ITGB4: variants seen among roughly 807,000 people sequenced by gnomAD.
ITGB4 encodes integrin beta-4.
A neutral mutation model predicts 207.6 loss-of-function variants in ITGB4; 159 were observed. The observed-to-expected ratio is 0.77, with a 90% CI of 0.67 to 0.87. ITGB4 has a LOEUF of 0.87. Ranked by LOEUF, ITGB4 falls within the 40% of genes least tolerant of loss-of-function variation. The pLI, the probability that ITGB4 is intolerant of heterozygous loss-of-function variation, is 0.00. For missense variants in ITGB4, 2,278 were observed against 2,546.8 expected, an observed-to-expected ratio of 0.89 and a Z score of 2.27; for synonymous variants, 1,020 against 1,062.7, an observed-to-expected ratio of 0.96 and a Z score of 0.78.
At chr17:75,724,857 C>A (rs1416214658) in intron 2 of ITGB4, 75 bp downstream of exon 2, 1 of 1,199,640 alleles carries the variant, frequency 8.3e-7, no homozygotes, top group Non-Finnish European at 1.2e-6. Context: ...GCACGGGGAT[C>A]TCACGGTGTC....
chr17:75,744,816 A>T (rs77243351), intron 26 of ITGB4, among the ~76,000 whole-genome samples: 7,042 of 151,830 alleles, frequency 0.046, 586 homozygotes, highest in East Asian at 0.31. Flanking sequence ...TTTGGGGGAG[A>T]CAGGGTCTTG....
At position 75,748,953 on chromosome 17, in the gene ITGB4, A is replaced by C. The variant is rs971825531; in HGVS notation, c.3224A>C (p.Gln1075Pro). 3 of 1,613,298 alleles carry C rather than the reference A, an allele frequency of 1.9e-6. No homozygotes were observed. Among genetic ancestry groups the C allele is most frequent in the African/African-American group, 2.7e-5 (2 of 74,940 alleles). Residue 1075 changes from glutamine (Q) to proline (P), a missense_variant, in exon 27 of 40, where the codon CAG becomes CCG. Transcript: ENST00000200181. ...GTTGACTCCCTCCTGCGGGGCCGCCAGGTCCGCCGTTTCCACGTCCAGCTC... is the reference window on the plus strand; with the variant it reads ...GTTGACTCCCTCCTGCGGGGCCGCCCGGTCCGCCGTTTCCACGTCCAGCTC... ...QEVDSLLRGR[Q>P]VRRFHVQLSN...
chr17:75,754,808 C>T lies in ITGB4; in HGVS notation c.4551C>T (p.Ser1517=), dbSNP rs1343916826. 2.5e-6 allele frequency: 4 copies of T among 1,614,092 alleles called. No homozygotes were observed. In the South Asian group the frequency reaches 4.4e-5, roughly 18 times the overall value. Residue 1517 remains serine, a synonymous_variant, in exon 34 of 40, where the codon TCC becomes TCT. Coordinates refer to ENST00000200181, the MANE Select transcript of ITGB4 (RefSeq NM_000213.5). Reference sequence around the variant, plus strand: ...ACTACTCCACCCTCACCTCCGTCTCCTCCCACGGTGAGTGACCTCAGCCAA... The same window carrying T: ...ACTACTCCACCCTCACCTCCGTCTCTTCCCACGGTGAGTGACCTCAGCCAA... ...PRDYSTLTSV[S]SHDSRLTAGV...
chr17:75,737,556 T>G lies in ITGB4; in HGVS notation c.2132T>G (p.Phe711Cys), dbSNP rs769440967. 1 of 1,588,788 alleles carries G rather than the reference T, an allele frequency of 6.3e-7. No individual in the cohort carries two copies. Among genetic ancestry groups the G allele is most frequent in the Non-Finnish European group, 8.6e-7 (1 of 1,167,984 alleles). Reference protein sequence around the residue: ...HKKKDCPPGSFWWLIPLLLLL... With the variant: ...HKKKDCPPGSCWWLIPLLLLL... ...TCTCCAGACTGCCCTCCGGGCTCCT[T>G]CTGGTGGCTCATCCCCCTGCTCCTC... is the stretch of plus-strand genomic sequence containing the variant. The change falls in exon 18 of 40, where the codon TTC (phenylalanine) becomes TGC (cysteine). Residue 711 changes from phenylalanine (F) to cysteine (C), a missense_variant. Transcript: ENST00000200181.
intron 26 of ITGB4, among the ~76,000 whole-genome samples, chr17:75,747,246 A>C (rs1237174590): frequency 6.6e-6 from 1 of 152,208 alleles, no homozygotes; most frequent in Non-Finnish European, 1.5e-5. Flanking sequence ...TGGGAGGCTG[A>C]GGCAGGTGGA....
chr17:75,753,901 G>GC lies in ITGB4; in HGVS notation c.4250dup (p.Asp1418GlyfsTer154). On this transcript the variant is annotated frameshift_variant, in exon 33 of 40. Coordinates refer to ENST00000200181, the MANE Select transcript of ITGB4 (RefSeq NM_000213.5). LOFTEE classifies it high-confidence loss of function. ...CCTCCGACGCCGAGGCGCCCCACGGGCCCCCGGACGACGGCGGCGCGGGCG... is the reference window on the plus strand; with the variant it reads ...CCTCCGACGCCGAGGCGCCCCACGGGCCCCCCGGACGACGGCGGCGCGGGCG... The GC allele has an allele frequency of 1.5e-6, 2 of 1,294,590 alleles. No individual in the cohort carries two copies. The highest frequency in any genetic ancestry group is 2.5e-5 in the South Asian group (1 of 39,254). 80.2% of individuals were successfully genotyped at this position (1,294,590 alleles called of 1,614,324 possible).
chr17:75,731,452 C>A lies in ITGB4; in HGVS notation c.1215+84C>A, dbSNP rs947759639. ...AATCGTTTAAAACAGCGGTCAAGAG[C>A]GTGGCCCCTGGAGTCAGGCAGGCCT... On this transcript the variant is annotated intron_variant, in intron 10 of 39. Coordinates refer to ENST00000200181, the MANE Select transcript of ITGB4 (RefSeq NM_000213.5). The surrounding 1 kb of genome is among the most constrained non-coding windows in gnomAD (Gnocchi z 6.8). 2.1e-6 allele frequency: 3 copies of A among 1,412,036 alleles called. No homozygotes were observed. The highest frequency in any genetic ancestry group is 1.4e-5 in the African/African-American group (1 of 71,224). 87.5% of individuals were successfully genotyped at this position (1,412,036 alleles called of 1,614,324 possible). A position where few individuals can be genotyped will look rare whatever the true frequency, so the allele number is the denominator to read the frequency against.
chr17:75,740,659 G>C lies in ITGB4; in HGVS notation c.2551-134G>C, dbSNP rs2290457. On this transcript the variant is annotated intron_variant, in intron 21 of 39. Transcript: ENST00000200181. The surrounding 1 kb of genome is among the most constrained non-coding windows in gnomAD (Gnocchi z 5.9). ...GGCCAGAGCCTGGGCCCAGGATGCT[G>C]CCCCACGGGGCATGCCCCAGCCAAC... 66,102 of 1,098,820 alleles carry C rather than the reference G, an allele frequency of 0.06. 6,646 individuals are homozygous for C. The highest frequency in any genetic ancestry group is 0.38 in the East Asian group (15,417 of 40,956). The allele number at this position is 1,098,820 out of a possible 1,614,324, so 68.1% of individuals were successfully genotyped here. A position where few individuals can be genotyped will look rare whatever the true frequency, so the allele number is the denominator to read the frequency against.
chr17:75,751,461 G>T (rs1219974945), intron 30 of ITGB4: 2 of 357,730 alleles, frequency 5.6e-6, no homozygotes, highest in South Asian at 2.7e-5. Flanking sequence ...CAGAAATACA[G>T]GAGGTTCTGA....
rs1338907506 is a variant in ITGB4, at chr17:75,722,297, C to G, written c.-11+685C>G. Among the ~76,000 whole-genome samples the G allele has an allele frequency of 6.6e-6, 1 of 152,206 alleles. No homozygotes were observed. Among genetic ancestry groups the G allele is most frequent in the South Asian group, 2.1e-4 (1 of 4,834 alleles). On this transcript the variant is annotated intron_variant, in intron 1 of 39. Transcript: ENST00000200181. This position sits in a 1 kb window ranked among gnomAD's most constrained non-coding sequence, Gnocchi z 6.2. The stretch of plus-strand genomic sequence containing the variant: ...ATCCGCCCTCTTTCCCATGGCTCAG[C>G]CTCTGGGGTGGCCCTCTGGCTGGGA...
intron 26 of ITGB4, among the ~76,000 whole-genome samples, chr17:75,744,807 T>C (rs2061197594): frequency 6.6e-6 from 1 of 152,010 alleles, no homozygotes; most frequent in Non-Finnish European, 1.5e-5. Context: ...TTCTTAATTT[T>C]TGGGGGAGAC....
chr17:75,736,182 T>C (rs2060970816), intron 14 of ITGB4, 28 bp downstream of exon 14: 2 of 1,610,674 alleles, frequency 1.2e-6, no homozygotes, highest in Non-Finnish European at 1.7e-6. Flanking sequence ...ACAGACAGTG[T>C]CTGTCAGCAC....
chr17:75,731,130 T>C lies in ITGB4; in HGVS notation c.1093-116T>C, dbSNP rs2060846820. The C allele has an allele frequency of 6.4e-7, 1 of 1,564,990 alleles. No homozygotes were observed. The highest frequency in any genetic ancestry group is 2.3e-5 in the East Asian group (1 of 44,244). On this transcript the variant is annotated intron_variant, in intron 9 of 39. Coordinates refer to ENST00000200181, the MANE Select transcript of ITGB4 (RefSeq NM_000213.5). The surrounding 1 kb of genome is among the most constrained non-coding windows in gnomAD (Gnocchi z 6.8). ...GAGGCCCCGAGGGGCCACCTGGGCC[T>C]GGCCCTGGCTCCTGCAGGCTCTGTG...
intron 1 of ITGB4, among the ~76,000 whole-genome samples, chr17:75,723,221 T>C (rs1224027812): frequency 2.0e-5 from 3 of 152,140 alleles, no homozygotes; most frequent in Non-Finnish European, 4.4e-5. Context: ...GTCTCTCATC[T>C]GGGAAACGGG....
Position 75,756,457 on chromosome 17 carries a change from C to T in ITGB4, c.4737C>T (p.Asn1579=). ...GGELHRLNIP[N]PAQTSVVVED... The stretch of plus-strand genomic sequence containing the variant: ...AGCTGCATCGGCTCAACATCCCCAA[C>T]CCTGCCCAGACCTCGGTGGTGGTGG... The change falls in exon 36 of 40, where the codon AAC becomes AAT. Residue 1579 remains asparagine (N), a synonymous_variant. Transcript: ENST00000200181. 6.2e-7 allele frequency: 1 copy of T among 1,613,378 alleles called. No individual in the cohort carries two copies. Among genetic ancestry groups the T allele is most frequent in the Non-Finnish European group, 8.5e-7 (1 of 1,179,984 alleles).
In ITGB4 at chr17:75,730,906, T is replaced by G. The variant is rs1308571354; in HGVS notation, c.1034T>G (p.Leu345Arg). The change falls in exon 9 of 40, where the codon CTG (leucine) becomes CGG (arginine). Residue 345 changes from leucine (L) to arginine (R), a missense_variant. By Grantham distance (102) the Leu-to-Arg change is moderately radical. Transcript: ENST00000200181. ...CACACCTATTTCCCTGTCTCCTCAC[T>G]GGGGGTGCTGCAGGAGGACTCGTCC... ...KLHTYFPVSS[L>R]GVLQEDSSNI... 1 of 1,613,808 alleles carries G rather than the reference T, an allele frequency of 6.2e-7. No individual in the cohort carries two copies.
In ITGB4 at chr17:75,750,697, G is replaced by A. The variant is rs1229243751; in HGVS notation, c.3492G>A (p.Gln1164=). 2 of 1,613,120 alleles carry A rather than the reference G, an allele frequency of 1.2e-6. No individual in the cohort carries two copies. Among genetic ancestry groups the A allele is most frequent in the Non-Finnish European group, 1.7e-6 (2 of 1,180,014 alleles). The change falls in exon 29 of 40, where the codon CAG becomes CAA. Residue 1164 remains glutamine (Q), a synonymous_variant. Coordinates refer to ENST00000200181, the MANE Select transcript of ITGB4 (RefSeq NM_000213.5). This position sits in a 1 kb window ranked among gnomAD's most constrained non-coding sequence, Gnocchi z 5.5. The stretch of plus-strand genomic sequence containing the variant: ...GGGGGTAGGTAAAGTACTGGATTCA[G>A]GGTGACTCCGAATCCGAAGCCCACC... ...PMGYRVKYWI[Q]GDSESEAHLL... is the part of the protein sequence containing the mutation.
chr17:75,737,605 G>C lies in ITGB4; in HGVS notation c.2181G>C (p.Leu727=). The C allele has an allele frequency of 6.2e-7, 1 of 1,613,076 alleles. No homozygotes were observed. The highest frequency in any genetic ancestry group is 1.7e-4 in the Middle Eastern group (1 of 5,994). ...LLLLLLPLLA[L]LLLLCWKYCA... ...TCCTCCTCCTGCCGCTCCTGGCCCT[G>C]CTACTGCTGCTATGCTGGAAGTACT... Residue 727 remains leucine, a synonymous_variant, in exon 18 of 40, where the codon CTG becomes CTC. Transcript: ENST00000200181.
Position 75,753,836 on chromosome 17 carries a change from C to G in ITGB4, c.4180C>G (p.Pro1394Ala), listed in dbSNP as rs925477124. The change falls in exon 33 of 40, where the codon CCG becomes GCG. Residue 1394 changes from proline to alanine, a missense_variant. Physicochemically the swap from Pro to Ala is conservative, Grantham distance 27. Transcript: ENST00000200181. The part of the protein sequence containing the change: ...DLRRVTWRLP[P>A]ELIPRLSASS... The stretch of plus-strand genomic sequence containing the variant: ...GCGGCGCGTCACGTGGCGGCTGCCC[C>G]CGGAGCTCATCCCGCGCCTGTCGGC... The G allele has an allele frequency of 5.5e-6, 8 of 1,445,744 alleles. No homozygotes were observed. The African/African-American group carries it at 1.0e-4, about 18-fold the overall frequency. The allele number at this position is 1,445,744 out of a possible 1,614,324, so 89.6% of individuals were successfully genotyped here.
Sources: gnomAD v4.1 joint callset for allele counts (sites outside exome capture counted in the v4.1 genomes callset) on GRCh38, gnomAD v4.1.1 for gene constraint, Gnocchi (gnomAD v3.1) non-coding constraint, MANE v1.5 for transcripts, NCBI Gene and HGNC (gene_info 2026-07-23, HGNC 2026-07-21) for gene names.